The following GABRA4 variants were observed in gnomAD, a reference collection of about 807,000 sequenced individuals.
GABRA4 encodes the protein gamma-aminobutyric acid type A receptor subunit alpha4.
Under a neutral mutation model 49.7 loss-of-function variants are expected in GABRA4, and 12 were observed. That is an observed-to-expected ratio of 0.24 (90% CI 0.15 to 0.39). The LOEUF (loss-of-function observed/expected upper bound fraction) is 0.39. Ranked by LOEUF, GABRA4 falls within the 10% of genes least tolerant of loss-of-function variation. The pLI, the probability that GABRA4 is intolerant of heterozygous loss-of-function variation, is 1.00. For synonymous variants in GABRA4, 288 were observed against 240.2 expected, an observed-to-expected ratio of 1.20 and a Z score of -1.84; for missense variants, 506 against 686.0, an observed-to-expected ratio of 0.74 and a Z score of 2.93.
chr4:46,938,993 C>T (rs1022277433), intron 8 of GABRA4, among the ~76,000 whole-genome samples: 1 of 151,986 alleles, frequency 6.6e-6, no homozygotes, highest in Non-Finnish European at 1.5e-5. Flanking sequence ...CATTACCCAG[C>T]CTGGGAGATG....
intron 7 of GABRA4, among the ~76,000 whole-genome samples, chr4:46,967,903 C>A (rs753285400): frequency 2.0e-5 from 3 of 151,562 alleles, no homozygotes; most frequent in Admixed American, 1.3e-4. Flanking sequence ...TTAAGATATG[C>A]CAGCTGGCAT....
chr4:46,974,810 GTAA>G (rs1723079571), intron 5 of GABRA4, among the ~76,000 whole-genome samples: 1 of 151,914 alleles, frequency 6.6e-6, no homozygotes, highest in Non-Finnish European at 1.5e-5. Flanking sequence ...AATGCTGCCT[GTAA>G]TAATACAATA....
chr4:46,925,714 ATATTATTATTATTAT>A lies in GABRA4; in HGVS notation c.*2496_*2510del, dbSNP rs397993248. On this transcript the variant is annotated 3_prime_UTR_variant, in exon 9 of 9. Coordinates refer to ENST00000264318, the MANE Select transcript of GABRA4 (RefSeq NM_000809.4). ...AATTCAGTTAAGGAAAGCAAACAAC[ATATTATTATTATTAT>A]TATTATTATTATTATTATTATTATT... 187 of 139,372 alleles carry A rather than the reference ATATTATTATTATTAT, an allele frequency of 1.3e-3. No individual in the cohort carries two copies. The highest frequency in any genetic ancestry group is 2.7e-3 in the Admixed American group (36 of 13,558). The allele number at this position is 139,372 out of a possible 1,614,324, so 8.6% of individuals were successfully genotyped here. A position where few individuals can be genotyped will look rare whatever the true frequency, so the allele number is the denominator to read the frequency against.
intron 7 of GABRA4, among the ~76,000 whole-genome samples, chr4:46,970,013 T>C (rs1193380370): frequency 6.6e-6 from 1 of 151,370 alleles, no homozygotes; most frequent in Non-Finnish European, 1.5e-5. Context: ...TTTCTATTTT[T>C]TTAATGCATC....
At chr4:46,965,352 A>C in intron 7 of GABRA4, 123 bp from the exon 8 acceptor site, 4 of 722,226 alleles carry the variant, frequency 5.5e-6, no homozygotes, top group Non-Finnish European at 8.2e-6. Context: ...ACAATAACTC[A>C]AAGAAAACCA....
intron 8 of GABRA4, among the ~76,000 whole-genome samples, chr4:46,942,316 C>T (rs544315275): frequency 2.0e-5 from 3 of 152,200 alleles, no homozygotes; most frequent in Admixed American, 1.3e-4. Context: ...TCCACTTCTT[C>T]GTCTGTCACT....
intron 8 of GABRA4, among the ~76,000 whole-genome samples, chr4:46,953,550 A>G (rs1320220454): frequency 2.6e-5 from 4 of 152,200 alleles, no homozygotes; most frequent in Non-Finnish European, 4.4e-5. Flanking sequence ...ATGTCACAAC[A>G]TTTTGGGAAA....
chr4:46,966,094 T>C (rs1347241890), intron 7 of GABRA4, among the ~76,000 whole-genome samples: 1 of 151,804 alleles, frequency 6.6e-6, no homozygotes, highest in African/African-American at 2.4e-5. Context: ...CCACTGGTAC[T>C]ATAGAGTAAC....
chr4:46,926,893 C>T lies in GABRA4; in HGVS notation c.*1332G>A, dbSNP rs1721250092. Reference sequence around the variant, plus strand: ...TTTTCTTTACTCCTTTCATTTGCTGCTCTCTTAATTTTAAAATATTCCCCT... The same window carrying T: ...TTTTCTTTACTCCTTTCATTTGCTGTTCTCTTAATTTTAAAATATTCCCCT... On this transcript the variant is annotated 3_prime_UTR_variant, in exon 9 of 9. Coordinates refer to ENST00000264318, the MANE Select transcript of GABRA4 (RefSeq NM_000809.4). 1.3e-5 allele frequency: 2 copies of T among 151,876 alleles called. No homozygotes were observed. The allele number at this position is 151,876 out of a possible 1,614,324, so 9.4% of individuals were successfully genotyped here.
In GABRA4 at chr4:46,928,137, A is replaced by T; in HGVS notation, c.*88T>A. 2 of 1,110,756 alleles carry T rather than the reference A, an allele frequency of 1.8e-6. No homozygotes were observed. Among genetic ancestry groups the T allele is most frequent in the Non-Finnish European group, 2.5e-6 (2 of 808,790 alleles). 68.8% of individuals were successfully genotyped at this position (1,110,756 alleles called of 1,614,324 possible). A position where few individuals can be genotyped will look rare whatever the true frequency, so the allele number is the denominator to read the frequency against. On this transcript the variant is annotated 3_prime_UTR_variant, in exon 9 of 9. Transcript: ENST00000264318. The stretch of plus-strand genomic sequence containing the variant: ...AAAAATTACACAGAGTTTTTATTTT[A>T]GTAAAGAATATTTGTTTATATTTAA...
At chr4:46,990,931 C>A (rs1407876732) in intron 2 of GABRA4, among the ~76,000 whole-genome samples, 1 of 152,218 alleles carries the variant, frequency 6.6e-6, no homozygotes, top group African/African-American at 2.4e-5. Flanking sequence ...ATAATCCCAG[C>A]ACTTTGGGAG....
chr4:46,984,529 T>G (rs986666767), intron 2 of GABRA4, among the ~76,000 whole-genome samples: 11 of 151,942 alleles, frequency 7.2e-5, no homozygotes, highest in Non-Finnish European at 1.3e-4. Context: ...TGTCATATAA[T>G]CCATCAATCC....
rs571782373 is a variant in GABRA4, at chr4:46,972,461, A to G, written c.722-1226T>C. The stretch of plus-strand genomic sequence containing the variant: ...CAATTTTTTGAGGTATGATTGACAT[A>G]CAAAAAGCTGTACATATTTAATATA... On this transcript the variant is annotated intron_variant, in intron 6 of 8. Coordinates refer to ENST00000264318, the MANE Select transcript of GABRA4 (RefSeq NM_000809.4). Among the ~76,000 whole-genome samples the G allele has an allele frequency of 2.7e-4, 41 of 151,740 alleles. 1 individual carries two copies. The South Asian group carries it at 3.3e-3, about 12-fold the overall frequency.
At position 46,928,284 on chromosome 4, in the gene GABRA4, C is replaced by T; in HGVS notation, c.1606G>A (p.Val536Ile). The change falls in exon 9 of 9, where the codon GTT (valine) becomes ATT (isoleucine). Residue 536 changes from valine to isoleucine, a missense_variant. Transcript: ENST00000264318. ...FPVTFGAFNM[V>I]YWVVYLSKDT... ...TTAGATAAATAAACAACCCAATAAA[C>T]CATGTTAAATGCCCCAAATGTGACT... 1 of 1,613,176 alleles carries T rather than the reference C, an allele frequency of 6.2e-7. No homozygotes were observed. Among genetic ancestry groups the T allele is most frequent in the Non-Finnish European group, 8.5e-7 (1 of 1,179,498 alleles).
chr4:46,992,604 T>C (rs1723797093), intron 2 of GABRA4: 2 of 537,324 alleles, frequency 3.7e-6, no homozygotes, highest in Non-Finnish European at 6.7e-6. Context: ...GGGAGGTAAT[T>C]AGTGTGGGGG....
chr4:46,978,930 C>T (rs1247751266), intron 3 of GABRA4, 101 bp downstream of exon 3: 20 of 775,034 alleles, frequency 2.6e-5, no homozygotes, highest in Non-Finnish European at 4.3e-5. Flanking sequence ...CTTTAGGTTT[C>T]TGGCTTTGTG....
At chr4:46,959,925 G>A (rs892995051) in intron 8 of GABRA4, among the ~76,000 whole-genome samples, 2 of 150,780 alleles carry the variant, frequency 1.3e-5, no homozygotes, top group African/African-American at 4.9e-5. Context: ...AGGAGTGTTA[G>A]TAGCTACATG....
chr4:46,937,703 C>T (rs977945721), intron 8 of GABRA4, among the ~76,000 whole-genome samples: 1 of 152,146 alleles, frequency 6.6e-6, no homozygotes, highest in Non-Finnish European at 1.5e-5. Context: ...CATCTACATC[C>T]TCTTCCTAAT....
At position 46,923,453 on chromosome 4, in the gene GABRA4, A is replaced by G. The variant is rs1721106712; in HGVS notation, c.*4772T>C. The G allele has an allele frequency of 6.6e-6, 1 of 152,112 alleles. No individual in the cohort carries two copies. Among genetic ancestry groups the G allele is most frequent in the African/African-American group, 2.4e-5 (1 of 41,428 alleles). The allele number at this position is 152,112 out of a possible 1,614,324, so 9.4% of individuals were successfully genotyped here. A position where few individuals can be genotyped will look rare whatever the true frequency, so the allele number is the denominator to read the frequency against. ...AAGCAATCTACTCTTCTAGACAAAC[A>G]TATCCAAATACAAAATATTTCTGAT... On this transcript the variant is annotated 3_prime_UTR_variant, in exon 9 of 9. Coordinates refer to ENST00000264318, the MANE Select transcript of GABRA4 (RefSeq NM_000809.4).
Sources: gnomAD v4.1 joint callset for allele counts (sites outside exome capture counted in the v4.1 genomes callset) on GRCh38, gnomAD v4.1.1 for gene constraint, MANE v1.5 for transcripts, NCBI Gene and HGNC (gene_info 2026-07-23, HGNC 2026-07-21) for gene names.